CAMK2D: variants seen among roughly 807,000 people sequenced by gnomAD.
CAMK2D encodes calcium/calmodulin dependent protein kinase II delta, also known as calcium/calmodulin-dependent protein kinase type II subunit delta.
A neutral mutation model predicts 84.0 loss-of-function variants in CAMK2D; 37 were observed. The observed-to-expected ratio is 0.44, with a 90% confidence interval of 0.34 to 0.58. The LOEUF (loss-of-function observed/expected upper bound fraction) is 0.58, where lower values mean the gene tolerates loss of function less well. Among genes scored for constraint, CAMK2D ranks in the 20% least tolerant of loss-of-function variants. The probability of loss-of-function intolerance (pLI) is 0.02; values close to 1 mark genes in which losing one functional copy is unlikely to be tolerated. For synonymous variants in CAMK2D, 202 were observed against 212.5 expected, an observed-to-expected ratio of 0.95 and a Z score of 0.43; for missense variants, 448 against 652.5, an observed-to-expected ratio of 0.69 and a Z score of 3.41.
chr4:113,603,773 T>TA (rs2098964722), intron 4 of CAMK2D, among the ~76,000 whole-genome samples: 2 of 127,994 alleles, frequency 1.6e-5, no homozygotes, highest in Non-Finnish European at 3.2e-5. Context: ...TCTTGCTATT[T>TA]TATATATATA....
chr4:113,462,292 GTGTC>G lies in CAMK2D; in HGVS notation c.1212-2055_1212-2052del, dbSNP rs764313367. On this transcript the variant is annotated intron_variant, in intron 17 of 20. Transcript: ENST00000511664. ...TGTGTGTGTGTGTGTGTGTGTGTGT[GTGTC>G]TGTCTGTCTGTCTGTCTGTCTGTCT... 4.5e-3 allele frequency among the ~76,000 whole-genome samples: 503 copies of G among 111,262 alleles called. 1 individual carries two copies. Among genetic ancestry groups the G allele is most frequent in the Middle Eastern group, 0.015 (3 of 206 alleles). 73.0% of individuals were successfully genotyped at this position (111,262 alleles called of 152,430 possible). A position where few individuals can be genotyped will look rare whatever the true frequency, so the allele number is the denominator to read the frequency against.
intron 3 of CAMK2D, among the ~76,000 whole-genome samples, chr4:113,644,917 G>A (rs2099145373): frequency 6.6e-6 from 1 of 152,208 alleles, no homozygotes; most frequent in African/African-American, 2.4e-5. Context: ...TCACTGTAGA[G>A]CAGGGGTCAG....
chr4:113,665,880 A>G (rs2099255346), intron 2 of CAMK2D, among the ~76,000 whole-genome samples: 1 of 152,244 alleles, frequency 6.6e-6, no homozygotes, highest in South Asian at 2.1e-4. Flanking sequence ...TGGTTTTGAC[A>G]TGAAGTCAGC....
intron 8 of CAMK2D, among the ~76,000 whole-genome samples, chr4:113,525,250 G>A (rs575890974): frequency 6.4e-4 from 97 of 152,228 alleles, no homozygotes; most frequent in Middle Eastern, 3.4e-3. Context: ...ACCTAAGTAA[G>A]GCAGAAAAGT....
chr4:113,726,445 A>G (rs1036898738), intron 2 of CAMK2D, among the ~76,000 whole-genome samples: 22 of 144,054 alleles, frequency 1.5e-4, no homozygotes, highest in Admixed American at 1.4e-3. Context: ...CAGTGGCACA[A>G]TCATGGCTCA....
chr4:113,562,650 C>T (rs141960106), intron 4 of CAMK2D, among the ~76,000 whole-genome samples: 8 of 152,314 alleles, frequency 5.3e-5, no homozygotes, highest in African/African-American at 1.7e-4. Flanking sequence ...CCTTACATTG[C>T]TTCCATTTTT....
At chr4:113,498,592 T>G (rs914308872) in intron 16 of CAMK2D, among the ~76,000 whole-genome samples, 3 of 152,192 alleles carry the variant, frequency 2.0e-5, no homozygotes, top group Non-Finnish European at 4.4e-5. Flanking sequence ...GATCTCAATA[T>G]GATGCTGAAT....
intron 3 of CAMK2D, among the ~76,000 whole-genome samples, chr4:113,646,247 T>G (rs1191181252): frequency 6.6e-6 from 1 of 152,164 alleles, no homozygotes; most frequent in East Asian, 1.9e-4. Context: ...TTAAAAAAAA[T>G]ATATGTACCC....
At chr4:113,692,459 T>A (rs1161349410) in intron 2 of CAMK2D, among the ~76,000 whole-genome samples, 28 of 152,246 alleles carry the variant, frequency 1.8e-4, no homozygotes, top group Non-Finnish European at 8.8e-5. Flanking sequence ...ATAGGGAATA[T>A]ATCTATACAT....
intron 2 of CAMK2D, among the ~76,000 whole-genome samples, chr4:113,702,459 G>C (rs1177998812): frequency 6.6e-6 from 1 of 152,098 alleles, no homozygotes; most frequent in Non-Finnish European, 1.5e-5. Context: ...CTTAAGAATA[G>C]CACTATTGAA....
intron 2 of CAMK2D, among the ~76,000 whole-genome samples, chr4:113,703,466 C>A (rs1373333185): frequency 6.6e-6 from 1 of 152,124 alleles, no homozygotes; most frequent in Non-Finnish European, 1.5e-5. Context: ...GATGGGATCA[C>A]ACGCGTGAGC....
intron 2 of CAMK2D, among the ~76,000 whole-genome samples, chr4:113,714,851 T>C (rs928227088): frequency 7.2e-5 from 11 of 152,148 alleles, no homozygotes; most frequent in African/African-American, 2.7e-4. Flanking sequence ...CTTATATCAG[T>C]ACCAGCTGGA....
chr4:113,757,449 G>A (rs2099630971), intron 2 of CAMK2D, among the ~76,000 whole-genome samples: 1 of 152,052 alleles, frequency 6.6e-6, no homozygotes, highest in Non-Finnish European at 1.5e-5. Context: ...GTAGGTATGG[G>A]CAGCAGAAGT....
rs1248393602 is a variant in CAMK2D at position 113,455,788 on chromosome 4, G to A, written c.1569C>T (p.Phe523=). 1.9e-6 allele frequency: 3 copies of A among 1,612,376 alleles called. No homozygotes were observed. ...TTTGCCACAAAGAGGTGCCTCCTGA[G>A]AAGTTTTCTTTCCCATTTGGAATAC... is the stretch of plus-strand genomic sequence containing the variant. ...PPCIPNGKEN[F]SGGTSLWQNI The change falls in exon 20 of 21, where the codon TTC becomes TTT. Residue 523 remains phenylalanine, a synonymous_variant. Coordinates refer to ENST00000511664, the MANE Select transcript of CAMK2D (RefSeq NM_001321571.2).
intron 16 of CAMK2D, among the ~76,000 whole-genome samples, chr4:113,494,222 T>C (rs1454020550): frequency 6.6e-6 from 1 of 152,242 alleles, no homozygotes. Flanking sequence ...CACTCTGCTT[T>C]TTAGAGTTTC....
intron 1 of CAMK2D, 123 bp downstream of exon 1, chr4:113,760,881 G>A: frequency 8.2e-7 from 1 of 1,222,422 alleles, no homozygotes; most frequent in African/African-American, 1.5e-5. Flanking sequence ...GACAAACCAG[G>A]GGCCCTCCTC....
At chr4:113,650,383 G>T (rs2099167994) in intron 3 of CAMK2D, among the ~76,000 whole-genome samples, 1 of 151,508 alleles carries the variant, frequency 6.6e-6, no homozygotes, top group South Asian at 2.1e-4. Context: ...CAGGCATGGT[G>T]GTGCATGCCT....
chr4:113,483,998 A>C (rs2097734859), intron 16 of CAMK2D, among the ~76,000 whole-genome samples: 1 of 152,208 alleles, frequency 6.6e-6, no homozygotes, highest in South Asian at 2.1e-4. Flanking sequence ...AAGAATCTGA[A>C]TTTTGTGTTA....
intron 2 of CAMK2D, among the ~76,000 whole-genome samples, chr4:113,745,238 C>A (rs1053016621): frequency 6.6e-6 from 1 of 152,098 alleles, no homozygotes; most frequent in African/African-American, 2.4e-5. Context: ...TATCCTTTGC[C>A]CAAATAAACA....
Sources: allele counts gnomAD v4.1 joint callset (sites outside exome capture counted in the v4.1 genomes callset), GRCh38; gene constraint gnomAD v4.1.1; transcripts MANE v1.5; gene names NCBI Gene and HGNC (gene_info 2026-07-23, HGNC 2026-07-21).